The following PXDNL variants were observed in gnomAD, a reference collection of about 807,000 sequenced individuals.
PXDNL encodes peroxidasin like, also known as probable oxidoreductase PXDNL.
PXDNL carries 145 observed loss-of-function variants against 150.8 expected under a neutral mutation model. The ratio of observed to expected loss-of-function variants is 0.96; its 90% CI spans 0.84 to 1.10. The LOEUF (loss-of-function observed/expected upper bound fraction) is 1.10, where lower values mean the gene tolerates loss of function less well. Among genes scored for constraint, PXDNL ranks in the 50% least tolerant of loss-of-function variants. The probability of loss-of-function intolerance (pLI) is 0.00; values close to 1 mark genes in which losing one functional copy is unlikely to be tolerated. For synonymous variants in PXDNL, 757 were observed against 725.7 expected (o/e 1.04, Z -0.69); for missense variants, 2,087 against 1,873.9 (o/e 1.11, Z -2.10).
intron 1 of PXDNL, among the ~76,000 whole-genome samples, chr8:51,675,718 G>A (rs770782678): frequency 5.5e-5 from 8 of 144,460 alleles, no homozygotes; most frequent in Non-Finnish European, 9.0e-5. Context: ...ACTCAAACCC[G>A]GGAGGCAGAG....
chr8:51,672,255 T>C (rs925923900), intron 1 of PXDNL, among the ~76,000 whole-genome samples: 2 of 152,196 alleles, frequency 1.3e-5, no homozygotes, highest in Non-Finnish European at 1.5e-5. Context: ...GTGCTGGGAT[T>C]AGAGGCATGA....
intron 1 of PXDNL, among the ~76,000 whole-genome samples, chr8:51,713,466 C>G (rs146742928): frequency 6.6e-6 from 1 of 152,334 alleles, no homozygotes; most frequent in Non-Finnish European, 1.5e-5. Context: ...CACCCAGAAA[C>G]AGAGCCTTCT....
At chr8:51,717,903 A>AG (rs996199594) in intron 1 of PXDNL, among the ~76,000 whole-genome samples, 1 of 152,198 alleles carries the variant, frequency 6.6e-6, no homozygotes, top group Non-Finnish European at 1.5e-5. Context: ...GCTAATTATA[A>AG]GGGGGGTTTC....
chr8:51,719,192 G>T (rs184730289), intron 1 of PXDNL, among the ~76,000 whole-genome samples: 34 of 152,308 alleles, frequency 2.2e-4, no homozygotes, highest in Non-Finnish European at 4.4e-4. Flanking sequence ...CTGTTTTGTC[G>T]AATAGAAAAG....
chr8:51,759,117 G>A (rs1432790513), intron 1 of PXDNL, among the ~76,000 whole-genome samples: 1 of 152,172 alleles, frequency 6.6e-6, no homozygotes, highest in African/African-American at 2.4e-5. Context: ...GATGTACAGA[G>A]GCTCCCAGGG....
chr8:51,355,320 C>G (rs1188814744), intron 19 of PXDNL, among the ~76,000 whole-genome samples: 1 of 152,038 alleles, frequency 6.6e-6, no homozygotes, highest in East Asian at 1.9e-4. Context: ...CATGAGCAAA[C>G]CTAAATATAT....
intron 1 of PXDNL, 138 bp downstream of exon 1, chr8:51,809,043 T>C (rs2037707052): frequency 2.4e-6 from 2 of 844,258 alleles, no homozygotes; most frequent in Non-Finnish European, 1.8e-6. Flanking sequence ...CATGAAATTG[T>C]TTGAAAAGTG....
At chr8:51,536,924 A>T (rs1033468852) in intron 4 of PXDNL, among the ~76,000 whole-genome samples, 8 of 152,230 alleles carry the variant, frequency 5.3e-5, no homozygotes, top group African/African-American at 1.9e-4. Context: ...CAATGTTTAT[A>T]AAAATCCATT....
chr8:51,781,375 G>C (rs2037413481), intron 1 of PXDNL, among the ~76,000 whole-genome samples: 1 of 152,086 alleles, frequency 6.6e-6, no homozygotes, highest in Non-Finnish European at 1.5e-5. Context: ...GTTAAAGAAT[G>C]AGTAAACTTG....
Position 51,447,220 on chromosome 8 carries a change from T to C in PXDNL, c.1367-58A>G, listed in dbSNP as rs530736232. On this transcript the variant is annotated intron_variant, in intron 11 of 22. Coordinates refer to ENST00000356297, the MANE Select transcript of PXDNL (RefSeq NM_144651.5). ...GGCCCAGAGCACTGAAAGCCAGAGC[T>C]GCTGGCTGTCCTGGCTAAAGGGTGA... The C allele has an allele frequency of 2.4e-4, 365 of 1,552,958 alleles. No homozygotes were observed. In the African/African-American group the frequency reaches 4.7e-3, roughly 20 times the overall value.
At position 51,697,769 on chromosome 8, in the gene PXDNL, C is replaced by T. The variant is rs1205686315; in HGVS notation, c.165-43009G>A. Among the ~76,000 whole-genome samples, 3 of 152,178 alleles carry T rather than the reference C, an allele frequency of 2.0e-5. No homozygotes were observed. The East Asian group carries it at 5.8e-4, about 29-fold the overall frequency. On this transcript the variant is annotated intron_variant, in intron 1 of 22. Transcript: ENST00000356297. ...ACTTGTCTGAGTCATTCTTTGGTCT[C>T]TTGGCTCCTTCCTAGTTTCAAGGGA...
At chr8:51,797,805 AC>A (rs1450615054) in intron 1 of PXDNL, among the ~76,000 whole-genome samples, 1 of 152,226 alleles carries the variant, frequency 6.6e-6, no homozygotes, top group Admixed American at 6.5e-5. Flanking sequence ...GACATTCTTC[AC>A]AGAGTTAGAA....
Position 51,408,062 on chromosome 8 carries a change from C to T in PXDNL, c.3557+5G>A. The T allele has an allele frequency of 6.3e-7, 1 of 1,595,568 alleles. No homozygotes were observed. The highest frequency in any genetic ancestry group is 8.5e-7 in the Non-Finnish European group (1 of 1,172,230). Reference sequence around the variant, plus strand: ...TTTAAATCCAGGCAGCATTTGCATACTTACTTTCTCAGTTTTTGTCTAATC... The same window carrying T: ...TTTAAATCCAGGCAGCATTTGCATATTTACTTTCTCAGTTTTTGTCTAATC... On this transcript the variant is annotated splice_donor_5th_base_variant and intron_variant, in intron 17 of 22. Transcript: ENST00000356297.
At chr8:51,634,804 T>C (rs1014283843) in intron 2 of PXDNL, among the ~76,000 whole-genome samples, 2 of 152,172 alleles carry the variant, frequency 1.3e-5, no homozygotes, top group Admixed American at 6.6e-5. Flanking sequence ...ATAGAAATGA[T>C]ATTGATTTCT....
At chr8:51,378,543 A>C (rs1294313803) in intron 17 of PXDNL, among the ~76,000 whole-genome samples, 2 of 152,242 alleles carry the variant, frequency 1.3e-5, no homozygotes, top group South Asian at 2.1e-4. Flanking sequence ...TGCCCCAGCC[A>C]GCAGTGGCAA....
chr8:51,450,555 T>C (rs1393191171), intron 10 of PXDNL, among the ~76,000 whole-genome samples: 1 of 152,194 alleles, frequency 6.6e-6, no homozygotes, highest in Non-Finnish European at 1.5e-5. Context: ...ATAAAGTAAA[T>C]AATATTTGGC....
intron 11 of PXDNL, among the ~76,000 whole-genome samples, chr8:51,447,991 T>C (rs1408476670): frequency 6.6e-6 from 1 of 152,182 alleles, no homozygotes; most frequent in Non-Finnish European, 1.5e-5. Flanking sequence ...GATAAGCAAA[T>C]GGAGGAGTGG....
intron 2 of PXDNL, among the ~76,000 whole-genome samples, chr8:51,604,666 C>T (rs1813802348): frequency 1.3e-5 from 2 of 152,096 alleles, no homozygotes; most frequent in African/African-American, 4.8e-5. Context: ...AAAAAAAATA[C>T]TTAAACATTT....
chr8:51,335,672 T>C (rs534981661), intron 21 of PXDNL, among the ~76,000 whole-genome samples: 104 of 136,692 alleles, frequency 7.6e-4, no homozygotes, highest in Middle Eastern at 7.8e-3. Context: ...TCATTGTTCA[T>C]TATATACCCT....
Sources: allele counts gnomAD v4.1 joint callset (sites outside exome capture counted in the v4.1 genomes callset), GRCh38; gene constraint gnomAD v4.1.1; transcripts MANE v1.5; gene names NCBI Gene and HGNC (gene_info 2026-07-23, HGNC 2026-07-21).